NKAIN2: variants seen among roughly 807,000 people sequenced by gnomAD.
NKAIN2 encodes sodium/potassium-transporting ATPase subunit beta-1-interacting protein 2.
NKAIN2 carries 14 observed loss-of-function variants against 32.6 expected under a neutral mutation model. The ratio of observed to expected loss-of-function variants is 0.43; its 90% CI spans 0.28 to 0.67. The LOEUF is 0.67. NKAIN2 is among the 30% of genes least tolerant of loss of function. The pLI is 0.17. For synonymous variants in NKAIN2, 80 were observed against 87.2 expected, an observed-to-expected ratio of 0.92 and a Z score of 0.46; for missense variants, 198 against 258.3, an observed-to-expected ratio of 0.77 and a Z score of 1.60.
intron 2 of NKAIN2, among the ~76,000 whole-genome samples, chr6:124,296,785 T>TA (rs1320828986): frequency 6.6e-6 from 1 of 152,124 alleles, no homozygotes; most frequent in African/African-American, 2.4e-5. Context: ...ATCAAGGAAA[T>TA]AGGAATTGTT....
intron 1 of NKAIN2, among the ~76,000 whole-genome samples, chr6:124,223,381 G>A (rs1367624151): frequency 6.6e-6 from 1 of 151,930 alleles, no homozygotes; most frequent in African/African-American, 2.4e-5. Flanking sequence ...TGATGATGCC[G>A]GGAAGAGGGG....
At chr6:123,861,684 T>G in intron 1 of NKAIN2, among the ~76,000 whole-genome samples, 1 of 152,190 alleles carries the variant, frequency 6.6e-6, no homozygotes, top group East Asian at 1.9e-4. Context: ...ATAATTCATT[T>G]TATTATCTTC....
chr6:124,647,273 G>A (rs1784208910), intron 3 of NKAIN2, among the ~76,000 whole-genome samples: 1 of 151,828 alleles, frequency 6.6e-6, no homozygotes, highest in Non-Finnish European at 1.5e-5. Flanking sequence ...CAGTCTGGGT[G>A]TGGTGGCTTA....
intron 1 of NKAIN2, among the ~76,000 whole-genome samples, chr6:124,049,530 T>C (rs147471888): frequency 3.9e-5 from 6 of 152,182 alleles, no homozygotes; most frequent in Admixed American, 6.6e-5. Flanking sequence ...ATTACAGCAG[T>C]CCCCTGTTAT....
intron 1 of NKAIN2, among the ~76,000 whole-genome samples, chr6:123,868,042 G>T (rs1175938732): frequency 1.3e-5 from 2 of 152,016 alleles, no homozygotes; most frequent in East Asian, 3.9e-4. Context: ...CTAATTTTTT[G>T]TATTTTTAGT....
chr6:124,201,624 G>A (rs1790590274), intron 1 of NKAIN2, among the ~76,000 whole-genome samples: 2 of 151,978 alleles, frequency 1.3e-5, no homozygotes, highest in South Asian at 4.1e-4. Context: ...TTATGTCAAC[G>A]TAATTACTCT....
intron 3 of NKAIN2, among the ~76,000 whole-genome samples, chr6:124,444,172 G>A (rs1177291258): frequency 1.3e-5 from 2 of 151,982 alleles, no homozygotes; most frequent in Non-Finnish European, 2.9e-5. Context: ...AGTTGATATA[G>A]AATAAAGGTG....
At chr6:124,419,846 T>C (rs332594) in intron 3 of NKAIN2, among the ~76,000 whole-genome samples, 24,635 of 152,006 alleles carry the variant, frequency 0.16, 2,295 homozygotes, top group East Asian at 0.24. Context: ...GATGTCTTTG[T>C]AGTTATAATA....
At chr6:124,327,390 C>G (rs1254087112) in intron 2 of NKAIN2, among the ~76,000 whole-genome samples, 1 of 152,018 alleles carries the variant, frequency 6.6e-6, no homozygotes, top group Non-Finnish European at 1.5e-5. Context: ...TTAATTAGCT[C>G]TAATCATTTG....
intron 1 of NKAIN2, among the ~76,000 whole-genome samples, chr6:123,836,344 A>G (rs1035600057): frequency 3.0e-4 from 46 of 152,126 alleles, no homozygotes; most frequent in Non-Finnish European, 4.4e-5. Context: ...TAACCAAATG[A>G]CAAAGATTAA....
intron 3 of NKAIN2, among the ~76,000 whole-genome samples, chr6:124,651,578 C>G (rs1402347411): frequency 1.3e-5 from 2 of 152,146 alleles, no homozygotes; most frequent in East Asian, 1.9e-4. Flanking sequence ...CTTGAGCCCT[C>G]AGGAACAGTG....
At chr6:124,631,890 A>G (rs1343161039) in intron 3 of NKAIN2, among the ~76,000 whole-genome samples, 1 of 152,170 alleles carries the variant, frequency 6.6e-6, no homozygotes, top group East Asian at 1.9e-4. Flanking sequence ...GATTTCAAAT[A>G]AAAACTCCGA....
intron 1 of NKAIN2, among the ~76,000 whole-genome samples, chr6:124,215,676 T>C (rs1351150519): frequency 6.6e-6 from 1 of 151,994 alleles, no homozygotes; most frequent in African/African-American, 2.4e-5. Context: ...AGAGTAAGAG[T>C]GTGATAAAGG....
intron 3 of NKAIN2, among the ~76,000 whole-genome samples, chr6:124,382,535 A>G (rs1315137700): frequency 1.3e-5 from 2 of 152,164 alleles, no homozygotes; most frequent in East Asian, 3.9e-4. Flanking sequence ...ATATTGGGGT[A>G]GTTCCTGTCC....
intron 3 of NKAIN2, among the ~76,000 whole-genome samples, chr6:124,544,524 G>T (rs1026608918): frequency 1.3e-5 from 2 of 152,072 alleles, no homozygotes; most frequent in Admixed American, 6.5e-5. Context: ...TCTAGTTATA[G>T]AATTAAATTT....
At chr6:124,008,086 G>T (rs573076801) in intron 1 of NKAIN2, among the ~76,000 whole-genome samples, 3 of 152,132 alleles carry the variant, frequency 2.0e-5, no homozygotes, top group Admixed American at 6.5e-5. Flanking sequence ...AGTGATGACC[G>T]AGGAGGAGTC....
intron 1 of NKAIN2, among the ~76,000 whole-genome samples, chr6:124,248,300 T>G (rs1181230014): frequency 6.6e-6 from 1 of 152,052 alleles, no homozygotes; most frequent in East Asian, 1.9e-4. Flanking sequence ...CACTTAAATG[T>G]GATGTCTTGG....
intron 4 of NKAIN2, among the ~76,000 whole-genome samples, chr6:124,768,591 T>C (rs1778614341): frequency 6.6e-6 from 1 of 152,188 alleles, no homozygotes; most frequent in Non-Finnish European, 1.5e-5. Flanking sequence ...ATAAACTTTA[T>C]ATACAACACT....
chr6:123,911,723 G>A (rs1775185148), intron 1 of NKAIN2, among the ~76,000 whole-genome samples: 1 of 148,156 alleles, frequency 6.7e-6, no homozygotes, highest in African/African-American at 2.5e-5. Context: ...TTTATTTACA[G>A]CAATAAGTAT....
Sources: allele counts gnomAD v4.1 joint callset (sites outside exome capture counted in the v4.1 genomes callset), GRCh38; gene constraint gnomAD v4.1.1; transcripts MANE v1.5; gene names NCBI Gene and HGNC (gene_info 2026-07-23, HGNC 2026-07-21).